Variants in SCHIP1 observed in about 807,000 individuals in gnomAD.
SCHIP1 encodes schwannomin interacting protein 1.
A neutral mutation model predicts 29.7 loss-of-function variants in SCHIP1; 8 were observed. The ratio of observed to expected loss-of-function variants is 0.27; its 90% CI spans 0.16 to 0.49. SCHIP1 has a LOEUF of 0.49. Among genes scored for constraint, SCHIP1 ranks in the 20% least tolerant of loss-of-function variants. SCHIP1 has a pLI of 0.99. For missense variants in SCHIP1, 193 were observed against 294.6 expected, an observed-to-expected ratio of 0.66 and a Z score of 2.52; for synonymous variants, 76 against 94.9, an observed-to-expected ratio of 0.80 and a Z score of 1.16.
the SCHIP1 span, among the ~76,000 whole-genome samples, chr3:159,509,624 T>G: frequency 6.6e-6 from 1 of 152,238 alleles, no homozygotes; most frequent in Non-Finnish European, 1.5e-5. Flanking sequence ...CCTTTCCACG[T>G]TTAGTACTTC....
At chr3:159,529,891 A>G in the SCHIP1 span, among the ~76,000 whole-genome samples, 1 of 152,218 alleles carries the variant, frequency 6.6e-6, no homozygotes, top group African/African-American at 2.4e-5. Context: ...TTCACTTAAC[A>G]TAACGTCCTC....
chr3:159,357,320 GA>G, the SCHIP1 span, among the ~76,000 whole-genome samples: 1 of 152,200 alleles, frequency 6.6e-6, no homozygotes, highest in East Asian at 1.9e-4. Flanking sequence ...AGACTAAGGA[GA>G]AAGTGCCCTT....
At chr3:159,681,846 C>T in the SCHIP1 span, among the ~76,000 whole-genome samples, 25 of 151,742 alleles carry the variant, frequency 1.6e-4, no homozygotes, top group Non-Finnish European at 3.5e-4. Context: ...GTTAACTCAA[C>T]GTTAACTTAG....
At chr3:159,882,381 G>A (rs76609205) in intron 2 of SCHIP1, among the ~76,000 whole-genome samples, 2,206 of 152,252 alleles carry the variant, frequency 0.014, 49 homozygotes, top group African/African-American at 0.049. Context: ...ACATTTATAC[G>A]TAGATACTAG....
the SCHIP1 span, among the ~76,000 whole-genome samples, chr3:159,553,265 T>TAA: frequency 7.0e-3 from 1,012 of 144,966 alleles, 13 homozygotes; most frequent in African/African-American, 0.02. Context: ...TGGAAAAGGT[T>TAA]AAAAAAAAAA....
chr3:159,624,350 G>T, the SCHIP1 span, among the ~76,000 whole-genome samples: 1 of 152,122 alleles, frequency 6.6e-6, no homozygotes, highest in Admixed American at 6.6e-5. Context: ...TACTCATCCA[G>T]GTACTTCTAA....
the SCHIP1 span, among the ~76,000 whole-genome samples, chr3:159,508,738 T>G: frequency 1.3e-5 from 2 of 152,224 alleles, no homozygotes; most frequent in African/African-American, 4.8e-5. Context: ...CAGTAGTCAT[T>G]CAGGAGAAGA....
chr3:159,702,816 T>A, the SCHIP1 span, among the ~76,000 whole-genome samples: 12 of 152,256 alleles, frequency 7.9e-5, no homozygotes, highest in Non-Finnish European at 1.6e-4. Context: ...GTTTGTACAT[T>A]TCAAAACTTT....
At chr3:159,717,661 C>A in the SCHIP1 span, among the ~76,000 whole-genome samples, 7 of 152,028 alleles carry the variant, frequency 4.6e-5, no homozygotes, top group Non-Finnish European at 8.8e-5. Flanking sequence ...ACACATACAC[C>A]ATCCCAAGAC....
chr3:159,391,190 C>CA, the SCHIP1 span, among the ~76,000 whole-genome samples: 14 of 152,128 alleles, frequency 9.2e-5, no homozygotes, highest in African/African-American at 2.7e-4. Flanking sequence ...CTACTGCCAA[C>CA]AAAAAATCAG....
the SCHIP1 span, among the ~76,000 whole-genome samples, chr3:159,494,367 A>G: frequency 1.3e-5 from 2 of 152,158 alleles, no homozygotes; most frequent in African/African-American, 4.8e-5. Flanking sequence ...CAAGACTAAT[A>G]AAGAAGAAAA....
chr3:159,875,611 C>T (rs983312882), intron 2 of SCHIP1, among the ~76,000 whole-genome samples: 10 of 152,192 alleles, frequency 6.6e-5, no homozygotes, highest in African/African-American at 2.4e-4. Flanking sequence ...TGTGTCTAGA[C>T]ACACACAGTT....
chr3:159,394,834 T>G, the SCHIP1 span, among the ~76,000 whole-genome samples: 1 of 152,206 alleles, frequency 6.6e-6, no homozygotes, highest in South Asian at 2.1e-4. Context: ...CCTCATAAAA[T>G]GAGTTAGGGA....
At chr3:159,447,978 C>T in the SCHIP1 span, among the ~76,000 whole-genome samples, 1 of 152,134 alleles carries the variant, frequency 6.6e-6, no homozygotes, top group Non-Finnish European at 1.5e-5. Context: ...CCTAGGGATC[C>T]TGGCAAGAGT....
chr3:159,327,801 A>G, the SCHIP1 span, among the ~76,000 whole-genome samples: 77 of 152,322 alleles, frequency 5.1e-4, no homozygotes, highest in Admixed American at 4.5e-3. Context: ...GAGGCAGAGA[A>G]GAAAAGCAAA....
the SCHIP1 span, among the ~76,000 whole-genome samples, chr3:159,792,664 C>A: frequency 3.6e-4 from 55 of 152,304 alleles, no homozygotes; most frequent in African/African-American, 1.3e-3. Flanking sequence ...TTCCCTTGCT[C>A]ATCTCTAGTA....
At chr3:159,402,455 C>G in the SCHIP1 span, among the ~76,000 whole-genome samples, 1,538 of 152,294 alleles carry the variant, frequency 0.01, 38 homozygotes, top group African/African-American at 0.035. Flanking sequence ...GATTATAAAT[C>G]ATGCTGCTAT....
At chr3:159,774,875 A>T in the SCHIP1 span, among the ~76,000 whole-genome samples, 4 of 152,196 alleles carry the variant, frequency 2.6e-5, no homozygotes, top group Non-Finnish European at 5.9e-5. Context: ...TCTCCACCCA[A>T]ACATTTCATA....
chr3:159,345,752 T>A, the SCHIP1 span, among the ~76,000 whole-genome samples: 1 of 152,152 alleles, frequency 6.6e-6, no homozygotes, highest in Non-Finnish European at 1.5e-5. Flanking sequence ...TTTGTGCTTC[T>A]CAGACAGGAG....
Sources: gnomAD v4.1 joint callset for allele counts (sites outside exome capture counted in the v4.1 genomes callset) on GRCh38, gnomAD v4.1.1 for gene constraint, MANE v1.5 for transcripts, NCBI Gene and HGNC (gene_info 2026-07-23, HGNC 2026-07-21) for gene names.